The following CIBAR1 variants were observed in gnomAD, a reference collection of about 807,000 sequenced individuals.
CIBAR1 encodes the protein CBY1 interacting BAR domain containing 1.
Under a neutral mutation model 44.0 loss-of-function variants are expected in CIBAR1, and 25 were observed. The observed-to-expected ratio is 0.57, with a 90% CI of 0.41 to 0.79. The LOEUF is 0.79. Among genes scored for constraint, CIBAR1 ranks in the 30% least tolerant of loss-of-function variants. The pLI is 0.00. For synonymous variants in CIBAR1, 115 were observed against 119.0 expected, an observed-to-expected ratio of 0.97 and a Z score of 0.22; for missense variants, 278 against 344.8, an observed-to-expected ratio of 0.81 and a Z score of 1.53.
intron 2 of CIBAR1, chr8:93,702,483 T>A (rs529020284): frequency 1.1e-5 from 5 of 454,610 alleles, no homozygotes; most frequent in Non-Finnish European, 2.2e-5. Context: ...TTTGCATTTG[T>A]TCTCCTTTTA....
At chr8:93,721,162 A>G (rs1282046790) in intron 7 of CIBAR1, 8 of 152,190 alleles carry the variant, frequency 5.3e-5, no homozygotes, top group African/African-American at 7.2e-5. Flanking sequence ...TCCTCTCTAC[A>G]TTAGACTTCC....
chr8:93,727,726 G>C (rs1436565636), intron 8 of CIBAR1, among the ~76,000 whole-genome samples: 1 of 152,158 alleles, frequency 6.6e-6, no homozygotes, highest in Non-Finnish European at 1.5e-5. Flanking sequence ...GAAGTTTTAA[G>C]CAATATGCCC....
rs570240340 is a variant in CIBAR1, at chr8:93,723,374, A to G, written c.658-3020A>G. On this transcript the variant is annotated intron_variant, in intron 7 of 8. Coordinates refer to ENST00000518322, the MANE Select transcript of CIBAR1 (RefSeq NM_145269.5). ...CCAAAATTGAATTTGGTCCTTGGTA[A>G]CCTGTTAACCTAATTAGCACCCCTG... Among the ~76,000 whole-genome samples the G allele has an allele frequency of 3.3e-5, 5 of 152,168 alleles. No homozygotes were observed. The South Asian group carries it at 1.0e-3, about 32-fold the overall frequency.
At chr8:93,722,991 TTTTA>T (rs536810029) in intron 7 of CIBAR1, among the ~76,000 whole-genome samples, 4 of 152,170 alleles carry the variant, frequency 2.6e-5, no homozygotes, top group Non-Finnish European at 2.9e-5. Flanking sequence ...TGCATTTATT[TTTTA>T]TTTATTTATT....
Position 93,708,020 on chromosome 8 carries a change from G to A in CIBAR1, c.438+4G>A. On this transcript the variant is annotated splice_donor_region_variant and intron_variant, in intron 5 of 8. Transcript: ENST00000518322. ...TTATGAAAAATTTCAGTCACAGGTG[G>A]GTAATAAAGTGGTGTGTCAAGAAAT... 6.4e-7 allele frequency: 1 copy of A among 1,564,602 alleles called. No homozygotes were observed. The highest frequency in any genetic ancestry group is 8.6e-7 in the Non-Finnish European group (1 of 1,159,536).
In CIBAR1 at chr8:93,728,973, T is replaced by C. The variant is rs1811677380; in HGVS notation, c.*676T>C. ...TTTGGAAGGCTAATTTGGTGGAATGTTGCCTCATCATAGAACACCATAGAT... is the reference window on the plus strand; with the variant it reads ...TTTGGAAGGCTAATTTGGTGGAATGCTGCCTCATCATAGAACACCATAGAT... On this transcript the variant is annotated 3_prime_UTR_variant, in exon 9 of 9. Coordinates refer to ENST00000518322, the MANE Select transcript of CIBAR1 (RefSeq NM_145269.5). 1 of 152,134 alleles carries C rather than the reference T, an allele frequency of 6.6e-6. No homozygotes were observed. The allele number at this position is 152,134 out of a possible 1,614,324, so 9.4% of individuals were successfully genotyped here.
At chr8:93,716,988 AG>A (rs1811060182) in intron 6 of CIBAR1, among the ~76,000 whole-genome samples, 1 of 152,200 alleles carries the variant, frequency 6.6e-6, no homozygotes, top group Admixed American at 6.5e-5. Flanking sequence ...CTTTACTGTT[AG>A]TCATTACATC....
Position 93,719,368 on chromosome 8 carries a change from A to G in CIBAR1, c.657+580A>G, listed in dbSNP as rs73317106. ...TGTGTATCATTTTGACTGGTGATAT[A>G]AGCCCACTGAAGTGTGCTAAAAAAT... is the stretch of plus-strand genomic sequence containing the variant. On this transcript the variant is annotated intron_variant, in intron 7 of 8. Transcript: ENST00000518322. Among the ~76,000 whole-genome samples, 659 of 152,364 alleles carry G rather than the reference A, an allele frequency of 4.3e-3. 11 individuals carry two copies. The highest frequency in any genetic ancestry group is 0.015 in the African/African-American group (619 of 41,586).
Position 93,728,477 on chromosome 8 carries a change from C to T in CIBAR1, c.*180C>T. On this transcript the variant is annotated 3_prime_UTR_variant, in exon 9 of 9. Coordinates refer to ENST00000518322, the MANE Select transcript of CIBAR1 (RefSeq NM_145269.5). ...GCTTTAAAAAATATTGCATACCAGTCATTTCAACATCCTACCTAGTGTTAC... is the reference window on the plus strand; with the variant it reads ...GCTTTAAAAAATATTGCATACCAGTTATTTCAACATCCTACCTAGTGTTAC... 2.2e-6 allele frequency: 1 copy of T among 464,426 alleles called. No individual in the cohort carries two copies. The highest frequency in any genetic ancestry group is 4.1e-5 in the South Asian group (1 of 24,346). The allele number at this position is 464,426 out of a possible 1,614,324, so 28.8% of individuals were successfully genotyped here.
At chr8:93,726,911 AAC>A (rs1208988881) in intron 8 of CIBAR1, among the ~76,000 whole-genome samples, 2 of 152,240 alleles carry the variant, frequency 1.3e-5, no homozygotes, top group Non-Finnish European at 2.9e-5. Context: ...GCTTTTACTG[AAC>A]ACAGAAATCA....
chr8:93,723,040 A>G (rs1337363871), intron 7 of CIBAR1, among the ~76,000 whole-genome samples: 1 of 152,168 alleles, frequency 6.6e-6, no homozygotes, highest in Admixed American at 6.5e-5. Context: ...TCTGTCGCCC[A>G]GGCTGGAGTG....
At position 93,730,670 on chromosome 8, in the gene CIBAR1, G is replaced by T. The variant is rs1811754524; in HGVS notation, c.*2373G>T. 1 of 152,000 alleles carries T rather than the reference G, an allele frequency of 6.6e-6. No individual in the cohort carries two copies. The highest frequency in any genetic ancestry group is 1.5e-5 in the Non-Finnish European group (1 of 68,016). 9.4% of individuals were successfully genotyped at this position (152,000 alleles called of 1,614,324 possible). A position where few individuals can be genotyped will look rare whatever the true frequency, so the allele number is the denominator to read the frequency against. On this transcript the variant is annotated 3_prime_UTR_variant, in exon 9 of 9. Transcript: ENST00000518322. ...TTTGCTGCATTTATCACTTTCCATG[G>T]TGTAAAATACTCCTGCCATGGCCAA...
At chr8:93,722,080 G>A (rs1052486886) in intron 7 of CIBAR1, among the ~76,000 whole-genome samples, 15 of 152,188 alleles carry the variant, frequency 9.9e-5, no homozygotes, top group Admixed American at 2.6e-4. Flanking sequence ...GCACGAGCAC[G>A]TGTTCAATGA....
In CIBAR1 at chr8:93,709,833, A is replaced by G; in HGVS notation, c.501A>G (p.Glu167=). ...DASRTSRHLE[E]TINNFERQKM... is the part of the protein sequence containing the mutation. ...GCCGAACAAGTCGTCATCTGGAGGAAACTATTAACAACTTTGAAAGGCAGA... is the reference window on the plus strand; with the variant it reads ...GCCGAACAAGTCGTCATCTGGAGGAGACTATTAACAACTTTGAAAGGCAGA... Residue 167 remains glutamate (E), a synonymous_variant, in exon 6 of 9, where the codon GAA becomes GAG. Coordinates refer to ENST00000518322, the MANE Select transcript of CIBAR1 (RefSeq NM_145269.5). 6.2e-7 allele frequency: 1 copy of G among 1,613,042 alleles called. No individual in the cohort carries two copies. Among genetic ancestry groups the G allele is most frequent in the Non-Finnish European group, 8.5e-7 (1 of 1,179,644 alleles).
intron 6 of CIBAR1, among the ~76,000 whole-genome samples, chr8:93,710,945 T>C (rs1225174136): frequency 6.6e-6 from 1 of 152,202 alleles, no homozygotes; most frequent in Non-Finnish European, 1.5e-5. Context: ...GTTTCTGTTA[T>C]AATACAGTCA....
chr8:93,709,977 T>C lies in CIBAR1; in HGVS notation c.543+102T>C, dbSNP rs1034227564. On this transcript the variant is annotated intron_variant, in intron 6 of 8. Transcript: ENST00000518322. ...TAAATTTTTTAGCCCATAATACCCC[T>C]TATAAAGAAAATATGATAAATAAGG... 2.1e-5 allele frequency: 17 copies of C among 816,074 alleles called. No individual in the cohort carries two copies. The African/African-American group carries it at 3.0e-4, about 14-fold the overall frequency. The allele number at this position is 816,074 out of a possible 1,614,324, so 50.6% of individuals were successfully genotyped here.
At chr8:93,713,822 T>C (rs370183016) in intron 6 of CIBAR1, among the ~76,000 whole-genome samples, 1 of 152,242 alleles carries the variant, frequency 6.6e-6, no homozygotes. Flanking sequence ...TTCCTTTTCA[T>C]TGATCTATGT....
At chr8:93,704,246 T>C (rs1373306641) in intron 3 of CIBAR1, among the ~76,000 whole-genome samples, 5 of 152,218 alleles carry the variant, frequency 3.3e-5, no homozygotes, top group Non-Finnish European at 1.5e-5. Flanking sequence ...CAGAAATTGC[T>C]TTACTATATG....
rs1324453577 is a variant in CIBAR1, at chr8:93,702,642, AAT to A, written c.262-975_262-974del. The A allele has an allele frequency of 9.0e-6, 3 of 332,766 alleles. No homozygotes were observed. In the East Asian group the frequency reaches 2.6e-4, roughly 29 times the overall value. 20.6% of individuals were successfully genotyped at this position (332,766 alleles called of 1,614,324 possible). ...AAATGGTGTAAAGCAAACTGTCCTG[AAT>A]ATCCATGATTTTAGGATTCCTAATA... is the stretch of plus-strand genomic sequence containing the variant. On this transcript the variant is annotated intron_variant, in intron 2 of 8. Transcript: ENST00000518322.
Sources: allele counts gnomAD v4.1 joint callset (sites outside exome capture counted in the v4.1 genomes callset), GRCh38; gene constraint gnomAD v4.1.1; transcripts MANE v1.5; gene names NCBI Gene and HGNC (gene_info 2026-07-23, HGNC 2026-07-21).